PEPD: variants seen among roughly 807,000 people sequenced by gnomAD.
PEPD encodes xaa-Pro dipeptidase.
Under a neutral mutation model 60.7 loss-of-function variants are expected in PEPD, and 53 were observed. That is an observed-to-expected ratio of 0.87 (90% CI 0.70 to 1.10). PEPD has a LOEUF of 1.10. Ranked by LOEUF, PEPD falls within the 50% of genes least tolerant of loss-of-function variation. PEPD has a pLI of 0.00. For synonymous variants in PEPD, 267 were observed against 284.1 expected, an observed-to-expected ratio of 0.94 and a Z score of 0.60; for missense variants, 711 against 711.9, an observed-to-expected ratio of 1.00 and a Z score of 0.01.
At chr19:33,487,592 G>A (rs1010445468) in intron 6 of PEPD, among the ~76,000 whole-genome samples, 13 of 152,188 alleles carry the variant, frequency 8.5e-5, no homozygotes, top group African/African-American at 2.2e-4. Context: ...ACCAGCACCC[G>A]GGGTGGGGGG....
chr19:33,422,922 C>T (rs947602380), intron 9 of PEPD, among the ~76,000 whole-genome samples: 13 of 152,024 alleles, frequency 8.6e-5, no homozygotes, highest in East Asian at 3.9e-4. Flanking sequence ...TATCTACCTA[C>T]GTATCATCTA....
intron 9 of PEPD, among the ~76,000 whole-genome samples, chr19:33,444,126 T>G (rs1016947442): frequency 2.0e-5 from 3 of 152,022 alleles, no homozygotes; most frequent in African/African-American, 7.2e-5. Context: ...AAGAGTGTAA[T>G]GCATGTACAT....
intron 7 of PEPD, among the ~76,000 whole-genome samples, chr19:33,470,299 G>A (rs530192330): frequency 3.3e-5 from 5 of 152,134 alleles, no homozygotes; most frequent in South Asian, 2.1e-4. Flanking sequence ...GCTTCCCCTC[G>A]TTTCCAGTGG....
At chr19:33,428,281 C>G (rs566755635) in intron 9 of PEPD, among the ~76,000 whole-genome samples, 2 of 152,162 alleles carry the variant, frequency 1.3e-5, no homozygotes, top group East Asian at 3.9e-4. Flanking sequence ...GCTGGGTCCC[C>G]GCAGGGAGCC....
intron 7 of PEPD, among the ~76,000 whole-genome samples, chr19:33,465,535 C>A (rs953093645): frequency 6.6e-6 from 1 of 152,090 alleles, no homozygotes; most frequent in African/African-American, 2.4e-5. Flanking sequence ...GGGGGCCACT[C>A]CAGCACCAAA....
chr19:33,408,724 G>T (rs537596285), intron 11 of PEPD, among the ~76,000 whole-genome samples: 1 of 152,212 alleles, frequency 6.6e-6, no homozygotes, highest in African/African-American at 2.4e-5. Context: ...GGAGGCGCTC[G>T]GCTTCGGGGG....
intron 9 of PEPD, among the ~76,000 whole-genome samples, chr19:33,438,275 G>A (rs1034322173): frequency 6.6e-6 from 1 of 152,214 alleles, no homozygotes; most frequent in East Asian, 1.9e-4. Flanking sequence ...GGTACAGGCT[G>A]TGCCCACTCT....
At chr19:33,387,656 CT>C in intron 14 of PEPD, 175 bp from the exon 15 acceptor site, 3 of 871,394 alleles carry the variant, frequency 3.4e-6, no homozygotes, top group Non-Finnish European at 5.5e-6. Flanking sequence ...CCTGCTCACC[CT>C]GTCTTTGCCA....
In PEPD at chr19:33,478,093, G is replaced by A. The variant is rs754956964; in HGVS notation, c.504-3C>T. ...GAATGGTATTGTTGACTTCGAACCTGTAGGGCGAAAAGAAATCAAGCCCAT... is the reference window on the plus strand; with the variant it reads ...GAATGGTATTGTTGACTTCGAACCTATAGGGCGAAAAGAAATCAAGCCCAT... On this transcript the variant is annotated splice_region_variant and splice_polypyrimidine_tract_variant and intron_variant, in intron 6 of 14. Transcript: ENST00000244137. 9.3e-6 allele frequency: 15 copies of A among 1,606,206 alleles called. No homozygotes were observed. In the Admixed American group the frequency reaches 1.8e-4, roughly 20 times the overall value.
chr19:33,514,523 C>T (rs567255052), intron 1 of PEPD, among the ~76,000 whole-genome samples: 3 of 152,072 alleles, frequency 2.0e-5, no homozygotes, highest in Middle Eastern at 3.4e-3. Context: ...TAGTCCCTGG[C>T]CTGAGGTTTC....
intron 12 of PEPD, among the ~76,000 whole-genome samples, chr19:33,393,238 T>TGGGGTCTGGCGTCGGGGAGAGCCC (rs1568446645): frequency 1.4e-5 from 1 of 72,604 alleles, no homozygotes; most frequent in Non-Finnish European, 2.9e-5. Context: ...TCCCGGGGTC[T>TGGGGTCTGGCGTCGGGGAGAGCCC]GGGGTCTGGG....
Position 33,387,467 on chromosome 19 carries a change from C to G in PEPD, c.1359G>C (p.Glu453Asp), listed in dbSNP as rs766389659. ...FRGFGGVRIE[E>D]DVVVTDSGIE... is the part of the protein sequence containing the mutation. The stretch of plus-strand genomic sequence containing the variant: ...TGCCGCTGTCAGTCACCACGACGTC[C>G]TCCTCGATGCGGACCTGGGTCAAGC... The change falls in exon 15 of 15, where the codon GAG becomes GAC. Residue 453 changes from glutamate (E) to aspartate (D), a missense_variant. Transcript: ENST00000244137. 181 of 1,613,676 alleles carry G rather than the reference C, an allele frequency of 1.1e-4. No homozygotes were observed. Among genetic ancestry groups the G allele is most frequent in the East Asian group, 2.2e-4 (10 of 44,888 alleles).
At chr19:33,472,453 C>T (rs1322839552) in intron 7 of PEPD, among the ~76,000 whole-genome samples, 1 of 152,210 alleles carries the variant, frequency 6.6e-6, no homozygotes, top group African/African-American at 2.4e-5. Context: ...TGGGCATCAA[C>T]ATGCCTGGAG....
intron 9 of PEPD, among the ~76,000 whole-genome samples, chr19:33,417,582 C>T (rs1241168862): frequency 1.1e-4 from 16 of 152,172 alleles, no homozygotes; most frequent in Non-Finnish European, 2.4e-4. Flanking sequence ...GATAGCGGTG[C>T]CTCCCTCCCA....
intron 1 of PEPD, among the ~76,000 whole-genome samples, chr19:33,515,457 G>A (rs969264176): frequency 2.0e-5 from 3 of 152,158 alleles, no homozygotes; most frequent in African/African-American, 7.2e-5. Context: ...AAGGGCAGAG[G>A]GAAGTCGGTG....
At chr19:33,441,710 A>G (rs1231813817) in intron 9 of PEPD, among the ~76,000 whole-genome samples, 5 of 152,186 alleles carry the variant, frequency 3.3e-5, no homozygotes, top group Admixed American at 1.3e-4. Context: ...CTTGACCCAG[A>G]GGTGGCTGGG....
chr19:33,397,570 G>GT (rs1968394413), intron 12 of PEPD, among the ~76,000 whole-genome samples: 2 of 151,878 alleles, frequency 1.3e-5, no homozygotes, highest in South Asian at 4.2e-4. Context: ...GCCCTTGGGG[G>GT]ACACCAATGC....
At chr19:33,435,536 C>T (rs1969358217) in intron 9 of PEPD, among the ~76,000 whole-genome samples, 1 of 152,216 alleles carries the variant, frequency 6.6e-6, no homozygotes, top group South Asian at 2.1e-4. Context: ...GACAACAGCC[C>T]CTCCAGAACC....
intron 3 of PEPD, among the ~76,000 whole-genome samples, chr19:33,509,046 G>C (rs1970869552): frequency 6.6e-6 from 1 of 152,238 alleles, no homozygotes; most frequent in Non-Finnish European, 1.5e-5. Context: ...GGCAAGCTCA[G>C]CCTCCAATTG....
Sources: allele counts gnomAD v4.1 joint callset (sites outside exome capture counted in the v4.1 genomes callset), GRCh38; gene constraint gnomAD v4.1.1; transcripts MANE v1.5; gene names NCBI Gene and HGNC (gene_info 2026-07-23, HGNC 2026-07-21).